ATPSCKMT: variants seen among roughly 807,000 people sequenced by gnomAD.
The protein encoded by ATPSCKMT is ATP synthase c subunit lysine N-methyltransferase.
ATPSCKMT carries 24 observed loss-of-function variants against 24.3 expected under a neutral mutation model. That is an observed-to-expected ratio of 0.99 (90% confidence interval 0.71 to 1.39). ATPSCKMT has a LOEUF of 1.39. Ranked by LOEUF, ATPSCKMT falls within the 40% of genes most tolerant of loss-of-function variation. ATPSCKMT has a pLI of 0.00. For synonymous variants in ATPSCKMT, 95 were observed against 110.5 expected, an observed-to-expected ratio of 0.86 and a Z score of 0.88; for missense variants, 311 against 298.4, an observed-to-expected ratio of 1.04 and a Z score of -0.31.
intron 2 of ATPSCKMT, 100 bp from the exon 3 acceptor site, chr5:10,236,715 C>A (rs538985966): frequency 1.3e-6 from 2 of 1,517,646 alleles, no homozygotes; most frequent in African/African-American, 1.4e-5. Context: ...AACATCCAAT[C>A]AAAAAGCACC....
chr5:10,230,881 A>G (rs1744098608), intron 4 of ATPSCKMT, among the ~76,000 whole-genome samples: 1 of 152,060 alleles, frequency 6.6e-6, no homozygotes, highest in South Asian at 2.1e-4. Flanking sequence ...TCATGCCTTC[A>G]ACAGCTCATC....
chr5:10,227,120 A>T lies in ATPSCKMT; in HGVS notation c.*321T>A. On this transcript the variant is annotated 3_prime_UTR_variant, in exon 5 of 5. Transcript: ENST00000511437. Reference sequence around the variant, plus strand: ...AAAAATCATTTCTCCTTATCGAGGCATTAAGCCATATTGTTTATAATGTGA... The same window carrying T: ...AAAAATCATTTCTCCTTATCGAGGCTTTAAGCCATATTGTTTATAATGTGA... The T allele has an allele frequency of 3.3e-6, 1 of 306,758 alleles. No individual in the cohort carries two copies. Among genetic ancestry groups the T allele is most frequent in the Non-Finnish European group, 6.2e-6 (1 of 161,012 alleles). The allele number at this position is 306,758 out of a possible 1,614,324, so 19.0% of individuals were successfully genotyped here.
chr5:10,233,377 C>T (rs1401912849), intron 4 of ATPSCKMT, among the ~76,000 whole-genome samples: 1 of 152,146 alleles, frequency 6.6e-6, no homozygotes, highest in East Asian at 1.9e-4. Flanking sequence ...CCCTGACCGA[C>T]CCACCAGCAT....
At chr5:10,240,163 G>C (rs1744568972) in intron 1 of ATPSCKMT, among the ~76,000 whole-genome samples, 1 of 151,912 alleles carries the variant, frequency 6.6e-6, no homozygotes, top group South Asian at 2.1e-4. Flanking sequence ...GAACCCGGGA[G>C]GTGGAGCTGA....
At chr5:10,249,000 C>T (rs925064545) in intron 1 of ATPSCKMT, among the ~76,000 whole-genome samples, 1 of 152,124 alleles carries the variant, frequency 6.6e-6, no homozygotes, top group African/African-American at 2.4e-5. Flanking sequence ...CTGCCGGGCA[C>T]CGCGGTGGCT....
At chr5:10,237,526 A>G (rs1188406351) in intron 2 of ATPSCKMT, among the ~76,000 whole-genome samples, 1 of 152,138 alleles carries the variant, frequency 6.6e-6, no homozygotes, top group African/African-American at 2.4e-5. Flanking sequence ...AGTAAGTCTC[A>G]CAAGATCTGA....
chr5:10,240,572 TG>T (rs1182913422), intron 1 of ATPSCKMT, among the ~76,000 whole-genome samples: 1 of 151,982 alleles, frequency 6.6e-6, no homozygotes, highest in Non-Finnish European at 1.5e-5. Flanking sequence ...ATCTGCAAAG[TG>T]GGGGTCACAG....
intron 3 of ATPSCKMT, among the ~76,000 whole-genome samples, chr5:10,235,933 G>T (rs1044785287): frequency 4.6e-5 from 7 of 152,158 alleles, no homozygotes; most frequent in Non-Finnish European, 1.0e-4. Context: ...TATTACAATG[G>T]AAAATTCTTA....
intron 4 of ATPSCKMT, 83 bp from the exon 5 acceptor site, chr5:10,227,730 G>T: frequency 7.7e-7 from 1 of 1,302,354 alleles, no homozygotes; most frequent in Non-Finnish European, 1.1e-6. Flanking sequence ...AAGAGTCCCT[G>T]AAAATACCTG....
chr5:10,241,177 C>T (rs1278244174), intron 1 of ATPSCKMT, among the ~76,000 whole-genome samples: 1 of 152,094 alleles, frequency 6.6e-6, no homozygotes, highest in Admixed American at 6.6e-5. Flanking sequence ...ACTCCAATCT[C>T]TGCTTCTGTC....
At chr5:10,237,537 T>TG (rs750381027) in intron 2 of ATPSCKMT, among the ~76,000 whole-genome samples, 5 of 152,186 alleles carry the variant, frequency 3.3e-5, no homozygotes, top group Non-Finnish European at 7.3e-5. Flanking sequence ...CAAGATCTGA[T>TG]GGTTTTATAA....
chr5:10,247,960 C>G (rs1411108200), intron 1 of ATPSCKMT, among the ~76,000 whole-genome samples: 2 of 152,176 alleles, frequency 1.3e-5, no homozygotes, highest in Non-Finnish European at 2.9e-5. Context: ...AGATTTGGAT[C>G]AGCTGAAGCT....
chr5:10,249,512 C>T, intron 1 of ATPSCKMT: 1 of 322,504 alleles, frequency 3.1e-6, no homozygotes. Context: ...TAAGGGATTT[C>T]CTCAAAGCCA....
intron 1 of ATPSCKMT, among the ~76,000 whole-genome samples, chr5:10,241,011 A>AG (rs1744617916): frequency 6.7e-6 from 1 of 149,760 alleles, no homozygotes; most frequent in African/African-American, 2.5e-5. Flanking sequence ...AAAAAAAAAA[A>AG]GAAAAGAAAA....
In ATPSCKMT at chr5:10,243,550, A is replaced by AACTTGCTGCGGCTTCTCCATCAGC. The variant is rs1210046473; in HGVS notation, c.17-4218_17-4195dup. On this transcript the variant is annotated intron_variant, in intron 1 of 4. Coordinates refer to ENST00000511437, the MANE Select transcript of ATPSCKMT (RefSeq NM_199133.4). ...ACAATCTTAGCTAGATCTTCTAGAT[A>AACTTGCTGCGGCTTCTCCATCAGC]ACTTGCTGCGGCTTCTCCATCAGCA... Among the ~76,000 whole-genome samples, 4 of 152,190 alleles carry AACTTGCTGCGGCTTCTCCATCAGC rather than the reference A, an allele frequency of 2.6e-5. No homozygotes were observed. In the East Asian group the frequency reaches 7.7e-4, roughly 29 times the overall value.
At chr5:10,229,941 T>C (rs1331148117) in intron 4 of ATPSCKMT, among the ~76,000 whole-genome samples, 2 of 152,256 alleles carry the variant, frequency 1.3e-5, no homozygotes, top group African/African-American at 4.8e-5. Flanking sequence ...AAAATGTTCC[T>C]GGCTTTTGTA....
chr5:10,247,518 T>A (rs2126472771), intron 1 of ATPSCKMT, among the ~76,000 whole-genome samples: 1 of 152,252 alleles, frequency 6.6e-6, no homozygotes, highest in East Asian at 1.9e-4. Flanking sequence ...TTTTTTAAAT[T>A]TTTTTCTTTA....
In ATPSCKMT at chr5:10,227,505, G is replaced by A; in HGVS notation, c.638C>T (p.Thr213Ile). The A allele has an allele frequency of 6.2e-7, 1 of 1,614,150 alleles. No homozygotes were observed. Among genetic ancestry groups the A allele is most frequent in the African/African-American group, 1.3e-5 (1 of 75,024 alleles). ...IDTVWAYDAS[T>I]FRGREKRPCT... ...GGGCCTCTTTTCACGGCCTCTAAAA[G>A]TGCTTGCATCATATGCCCACACTGT... The change falls in exon 5 of 5, where the codon ACT becomes ATT. Residue 213 changes from threonine to isoleucine, a missense_variant. Coordinates refer to ENST00000511437, the MANE Select transcript of ATPSCKMT (RefSeq NM_199133.4).
chr5:10,249,617 C>G, intron 1 of ATPSCKMT: 4 of 528,674 alleles, frequency 7.6e-6, no homozygotes, highest in Non-Finnish European at 6.3e-6. Context: ...GAGTCACTTG[C>G]ACTAAGTAGC....
Sources: gnomAD v4.1 joint callset for allele counts (sites outside exome capture counted in the v4.1 genomes callset) on GRCh38, gnomAD v4.1.1 for gene constraint, MANE v1.5 for transcripts, NCBI Gene and HGNC (gene_info 2026-07-23, HGNC 2026-07-21) for gene names.